Variants in KLF7 observed in about 807,000 individuals in gnomAD.
The protein encoded by KLF7 is Krueppel-like factor 7.
KLF7 carries 2 observed loss-of-function variants against 27.3 expected under a neutral mutation model. That is an observed-to-expected ratio of 0.07 (90% confidence interval 0.03 to 0.23). The LOEUF is 0.23. Among genes scored for constraint, KLF7 ranks in the 10% least tolerant of loss-of-function variants. The pLI is 1.00. For missense variants in KLF7, 221 were observed against 394.1 expected (o/e 0.56, Z 3.72); for synonymous variants, 165 against 162.4 (o/e 1.02, Z -0.12).
chr2:207,114,054 C>T (rs2077111535), intron 2 of KLF7, among the ~76,000 whole-genome samples: 1 of 152,160 alleles, frequency 6.6e-6, no homozygotes, highest in Non-Finnish European at 1.5e-5. Flanking sequence ...TTTCTAAACG[C>T]TAATATTTAC....
At chr2:207,112,315 GTGTTAACACTGCGA>G (rs2077060020) in intron 2 of KLF7, among the ~76,000 whole-genome samples, 1 of 152,004 alleles carries the variant, frequency 6.6e-6, no homozygotes, top group South Asian at 2.1e-4. Flanking sequence ...CTTTAGACAG[GTGTTAACACTGCGA>G]TCTTCTCGCG....
chr2:207,099,474 T>G (rs956828402), intron 2 of KLF7, among the ~76,000 whole-genome samples: 1 of 149,294 alleles, frequency 6.7e-6, no homozygotes, highest in Non-Finnish European at 1.5e-5. Flanking sequence ...TTTGCTTTTT[T>G]GCTAACCAAA....
chr2:207,106,571 A>G (rs1322781523), intron 2 of KLF7, among the ~76,000 whole-genome samples: 2 of 152,126 alleles, frequency 1.3e-5, no homozygotes, highest in African/African-American at 2.4e-5. Flanking sequence ...ACGAAAAAAA[A>G]TGGTCAATCA....
At chr2:207,132,089 T>G (rs552764171) in intron 1 of KLF7, among the ~76,000 whole-genome samples, 1 of 152,288 alleles carries the variant, frequency 6.6e-6, no homozygotes, top group South Asian at 2.1e-4. Flanking sequence ...CAGGAAATAT[T>G]AGGAGAGAAA....
At chr2:207,096,805 T>A (rs1269611287) in intron 2 of KLF7, among the ~76,000 whole-genome samples, 1 of 152,184 alleles carries the variant, frequency 6.6e-6, no homozygotes, top group African/African-American at 2.4e-5. Context: ...GCTCAGATAA[T>A]ACACTTATTT....
intron 1 of KLF7, among the ~76,000 whole-genome samples, chr2:207,134,849 G>C (rs919170318): frequency 1.3e-5 from 2 of 152,122 alleles, no homozygotes; most frequent in Non-Finnish European, 1.5e-5. Context: ...CTGTAAAATG[G>C]GGTAATAGTA....
At chr2:207,156,523 G>A (rs907546728) in intron 1 of KLF7, among the ~76,000 whole-genome samples, 2 of 152,220 alleles carry the variant, frequency 1.3e-5, no homozygotes, top group East Asian at 3.9e-4. Context: ...GCAGGCTGAG[G>A]TGAGTGGAAA....
intron 2 of KLF7, among the ~76,000 whole-genome samples, chr2:207,114,655 T>C (rs939072073): frequency 6.6e-6 from 1 of 152,194 alleles, no homozygotes; most frequent in East Asian, 1.9e-4. Context: ...TCATTTAACA[T>C]TGGCTTCAAT....
At chr2:207,152,973 G>A (rs2078285219) in intron 1 of KLF7, among the ~76,000 whole-genome samples, 1 of 151,988 alleles carries the variant, frequency 6.6e-6, no homozygotes, top group South Asian at 2.1e-4. Context: ...ATGCATGCCG[G>A]CCAAATAAAA....
rs889148803 is a variant in KLF7, at chr2:207,093,278, G to A, written c.734-4697C>T. ...GTAAAAGTTCCAATGGTTTTCTATC[G>A]TTCTCAGAAAAAAAGTCAAAAGCCA... On this transcript the variant is annotated intron_variant, in intron 2 of 3. Coordinates refer to ENST00000309446, the MANE Select transcript of KLF7 (RefSeq NM_003709.4). 3.9e-5 allele frequency among the ~76,000 whole-genome samples: 6 copies of A among 152,116 alleles called. No individual in the cohort carries two copies. The South Asian group carries it at 6.2e-4, about 16-fold the overall frequency.
chr2:207,146,737 AC>A (rs896312584), intron 1 of KLF7, among the ~76,000 whole-genome samples: 1 of 152,148 alleles, frequency 6.6e-6, no homozygotes, highest in Non-Finnish European at 1.5e-5. Flanking sequence ...AGAAAAAAAA[AC>A]CAGAAAAACG....
chr2:207,139,802 A>T (rs1316275495), intron 1 of KLF7, among the ~76,000 whole-genome samples: 3 of 152,220 alleles, frequency 2.0e-5, no homozygotes, highest in Non-Finnish European at 4.4e-5. Flanking sequence ...AGCAAATGGG[A>T]TTTCAGACAT....
At chr2:207,091,315 A>G (rs2105879849) in intron 2 of KLF7, among the ~76,000 whole-genome samples, 1 of 152,344 alleles carries the variant, frequency 6.6e-6, no homozygotes, top group East Asian at 1.9e-4. Flanking sequence ...TCCCAGTACA[A>G]ACCAACTCTC....
rs376186589 is a variant in KLF7 at position 207,078,656 on chromosome 2, C to T, written c.*2557G>A. On this transcript the variant is annotated 3_prime_UTR_variant, in exon 4 of 4. Coordinates refer to ENST00000309446, the MANE Select transcript of KLF7 (RefSeq NM_003709.4). ...CGTGCATTCATGCTGGAGGCTGCTA[C>T]ATAAAGGAAAAGAAAGGAACCAACA... 6.6e-5 allele frequency: 10 copies of T among 152,264 alleles called. No individual in the cohort carries two copies. The highest frequency in any genetic ancestry group is 2.4e-4 in the African/African-American group (10 of 41,546). The allele number at this position is 152,264 out of a possible 1,614,324, so 9.4% of individuals were successfully genotyped here.
At chr2:207,147,046 A>G (rs2078116083) in intron 1 of KLF7, among the ~76,000 whole-genome samples, 1 of 152,208 alleles carries the variant, frequency 6.6e-6, no homozygotes, top group African/African-American at 2.4e-5. Flanking sequence ...AGTTTCATTA[A>G]TAATAAAGCT....
chr2:207,102,965 G>T (rs2076802277), intron 2 of KLF7, among the ~76,000 whole-genome samples: 1 of 152,134 alleles, frequency 6.6e-6, no homozygotes, highest in African/African-American at 2.4e-5. Context: ...GTCTCGCTCT[G>T]TCACCCAGGT....
At chr2:207,166,875 G>A (rs1190450841), upstream of KLF7, 14 of 1,076,172 alleles carry the variant, frequency 1.3e-5, no homozygotes, top group Non-Finnish European at 1.6e-5. Context: ...ACAAAGGGGA[G>A]CGGAGCGAGA....
intron 1 of KLF7, among the ~76,000 whole-genome samples, chr2:207,140,778 G>A (rs114631583): frequency 0.017 from 2,644 of 152,268 alleles, 32 homozygotes; most frequent in South Asian, 0.034. Flanking sequence ...CAGTGGGTGA[G>A]GAAGACTATT....
chr2:207,146,363 C>G (rs2078095931), intron 1 of KLF7, among the ~76,000 whole-genome samples: 1 of 152,214 alleles, frequency 6.6e-6, no homozygotes. Flanking sequence ...GACTCCCAGT[C>G]ACTTTCTGGC....
Sources: gnomAD v4.1 joint callset for allele counts (sites outside exome capture counted in the v4.1 genomes callset) on GRCh38, gnomAD v4.1.1 for gene constraint, MANE v1.5 for transcripts, NCBI Gene and HGNC (gene_info 2026-07-23, HGNC 2026-07-21) for gene names.